Variants in EDA observed in about 807,000 individuals in gnomAD.
EDA encodes the protein ectodysplasin-A.
A neutral mutation model predicts 23.6 loss-of-function variants in EDA; 2 were observed. That is an observed-to-expected ratio of 0.08 (90% CI 0.03 to 0.27). The LOEUF (loss-of-function observed/expected upper bound fraction) is 0.27. Ranked by LOEUF, EDA falls within the 10% of genes least tolerant of loss-of-function variation. The pLI, the probability that EDA is intolerant of heterozygous loss-of-function variation, is 1.00. For synonymous variants in EDA, 131 were observed against 132.0 expected (o/e 0.99, Z 0.05); for missense variants, 229 against 324.2 (o/e 0.71, Z 2.26).
At chrX:69,828,448 G>A (rs996845398) in intron 1 of EDA, among the ~76,000 whole-genome samples, 2 of 111,913 alleles carry the variant, frequency 1.8e-5, no homozygotes, top group Admixed American at 9.4e-5. Flanking sequence ...ATTCGGGTGG[G>A]AGTGACCCGA....
intron 1 of EDA, among the ~76,000 whole-genome samples, chrX:69,879,616 GA>G (rs1361082431): frequency 9.0e-6 from 1 of 111,631 alleles, no homozygotes; most frequent in African/African-American, 3.3e-5. Flanking sequence ...TGAGAGTATG[GA>G]AAAAGGAACC....
chrX:69,694,565 A>G (rs1332620028), intron 1 of EDA, among the ~76,000 whole-genome samples: 2 of 112,149 alleles, frequency 1.8e-5, no homozygotes, highest in Admixed American at 1.9e-4. Flanking sequence ...TTAGGCTTAT[A>G]GTTGCTCAGG....
intron 1 of EDA, among the ~76,000 whole-genome samples, chrX:69,889,189 C>T (rs912547541): frequency 9.6e-6 from 1 of 104,496 alleles, no homozygotes; most frequent in African/African-American, 3.5e-5. Flanking sequence ...ATTCTGTTTC[C>T]CAGACTGAAG....
intron 2 of EDA, among the ~76,000 whole-genome samples, chrX:70,002,315 T>C (rs1452042039): frequency 1.8e-5 from 2 of 109,364 alleles, no homozygotes; most frequent in African/African-American, 3.3e-5. Flanking sequence ...AAAGGCAACA[T>C]GATTTCATAA....
intron 1 of EDA, among the ~76,000 whole-genome samples, chrX:69,824,142 G>A (rs2016332955): frequency 9.3e-6 from 1 of 107,549 alleles, no homozygotes; most frequent in African/African-American, 3.4e-5. Flanking sequence ...GATGCCTCCA[G>A]CTTTGTTCTT....
chrX:69,677,985 A>C (rs2147276784), intron 1 of EDA, among the ~76,000 whole-genome samples: 1 of 110,656 alleles, frequency 9.0e-6, no homozygotes, highest in African/African-American at 3.3e-5. Flanking sequence ...ATCCATCTTG[A>C]ATTGATTTTT....
chrX:69,811,626 C>T lies in EDA; in HGVS notation c.397-145401C>T, dbSNP rs748512782. 1.6e-4 allele frequency among the ~76,000 whole-genome samples: 18 copies of T among 111,492 alleles called. No individual in the cohort carries two copies. The Admixed American group carries it at 1.7e-3, about 11-fold the overall frequency. ...ACGGTGCCAATTTTCTTGTGGTTGC[C>T]CTGCAAGAGGGGATAATTCCCCTCA... On this transcript the variant is annotated intron_variant, in intron 1 of 7. Coordinates refer to ENST00000374552, the MANE Select transcript of EDA (RefSeq NM_001399.5).
At chrX:69,972,407 C>T (rs1191515916) in intron 2 of EDA, among the ~76,000 whole-genome samples, 1 of 111,500 alleles carries the variant, frequency 9.0e-6, no homozygotes, top group African/African-American at 3.3e-5. Context: ...TTTCTTCTTG[C>T]TCAAGAAAGC....
intron 1 of EDA, among the ~76,000 whole-genome samples, chrX:69,738,751 G>T: frequency 9.3e-6 from 1 of 107,990 alleles, no homozygotes; most frequent in African/African-American, 3.4e-5. Flanking sequence ...TTGACCTATT[G>T]GTTATTTAGG....
intron 1 of EDA, among the ~76,000 whole-genome samples, chrX:69,914,718 C>T (rs1048719905): frequency 1.8e-5 from 2 of 111,535 alleles, no homozygotes; most frequent in African/African-American, 6.5e-5. Context: ...AGAACTTACT[C>T]CTCCCAGCTA....
chrX:69,814,171 C>T (rs982679761), intron 1 of EDA, among the ~76,000 whole-genome samples: 7 of 112,622 alleles, frequency 6.2e-5, no homozygotes, highest in Admixed American at 1.9e-4. Flanking sequence ...GTGATGAATC[C>T]AGAGGAGTGT....
intron 1 of EDA, among the ~76,000 whole-genome samples, chrX:69,805,247 G>A: frequency 9.0e-6 from 1 of 111,151 alleles, no homozygotes. Flanking sequence ...CCTCTGGAGG[G>A]GCCAGAGTAG....
chrX:69,916,834 G>C (rs1352731217), intron 1 of EDA, among the ~76,000 whole-genome samples: 1 of 110,725 alleles, frequency 9.0e-6, no homozygotes, highest in Non-Finnish European at 1.9e-5. Context: ...TGATAGATCT[G>C]GGGAGTGCTC....
At chrX:69,965,970 C>T (rs2019167184) in intron 2 of EDA, among the ~76,000 whole-genome samples, 1 of 111,079 alleles carries the variant, frequency 9.0e-6, no homozygotes, top group African/African-American at 3.3e-5. Context: ...TTGCTTGAGC[C>T]TAGGAGTTCA....
chrX:69,843,849 C>T (rs1427712847), intron 1 of EDA, among the ~76,000 whole-genome samples: 1 of 109,567 alleles, frequency 9.1e-6, no homozygotes, highest in African/African-American at 3.3e-5. Context: ...GGTGAAACCC[C>T]GTCTCTATTA....
At chrX:69,678,608 A>C (rs1934201897) in intron 1 of EDA, among the ~76,000 whole-genome samples, 1 of 108,822 alleles carries the variant, frequency 9.2e-6, no homozygotes, top group Admixed American at 9.9e-5. Context: ...TTCACTCACG[A>C]TTTGGCTCTC....
chrX:70,030,003 C>T (rs904913228), intron 5 of EDA, among the ~76,000 whole-genome samples: 11 of 112,609 alleles, frequency 9.8e-5, no homozygotes, highest in Admixed American at 3.7e-4. Flanking sequence ...TGAAGAGCTC[C>T]TCCCAGTCTT....
chrX:69,728,477 C>G (rs771404576), intron 1 of EDA, among the ~76,000 whole-genome samples: 2 of 111,694 alleles, frequency 1.8e-5, no homozygotes, highest in African/African-American at 3.3e-5. Flanking sequence ...TGCAAGGGCA[C>G]AGAGTATTGA....
chrX:69,959,578 T>A (rs780675960), intron 2 of EDA, among the ~76,000 whole-genome samples: 2 of 111,953 alleles, frequency 1.8e-5, no homozygotes, highest in South Asian at 7.5e-4. Flanking sequence ...AAACATTCAA[T>A]AAGGATTTTT....
Sources: gnomAD v4.1 joint callset for allele counts (sites outside exome capture counted in the v4.1 genomes callset) on GRCh38, gnomAD v4.1.1 for gene constraint, MANE v1.5 for transcripts, NCBI Gene and HGNC (gene_info 2026-07-23, HGNC 2026-07-21) for gene names.